ZNF609: variants seen among roughly 807,000 people sequenced by gnomAD.
The protein encoded by ZNF609 is zinc finger protein 609.
In ZNF609, 11 loss-of-function variants were observed where a neutral mutation model predicts 109.5. The observed-to-expected ratio is 0.10, with a 90% CI of 0.06 to 0.17. ZNF609 has a LOEUF of 0.17. ZNF609 is among the 10% of genes least tolerant of loss of function. The probability of loss-of-function intolerance (pLI) is 1.00; values close to 1 mark genes in which losing one functional copy is unlikely to be tolerated. For missense variants in ZNF609, 1,559 were observed against 1,772.4 expected (o/e 0.88, Z 2.16); for synonymous variants, 646 against 662.0 (o/e 0.98, Z 0.37).
At chr15:64,641,234 T>TTTTTTTTTTTGG (rs758413589) in intron 3 of ZNF609, among the ~76,000 whole-genome samples, 2 of 140,768 alleles carry the variant, frequency 1.4e-5, no homozygotes, top group Admixed American at 7.3e-5. Context: ...TTTTTTTTTT[T>TTTTTTTTTTTGG]GAGATGGAGT....
chr15:64,566,858 G>A (rs1359492179), intron 2 of ZNF609, among the ~76,000 whole-genome samples: 1 of 152,110 alleles, frequency 6.6e-6, no homozygotes, highest in Admixed American at 6.6e-5. Context: ...TTCTACTGGA[G>A]GCCACCATTC....
At chr15:64,678,078 C>G (rs1437927204) in intron 5 of ZNF609, 38 bp from the exon 6 acceptor site, 2 of 1,586,642 alleles carry the variant, frequency 1.3e-6, no homozygotes, top group Non-Finnish European at 1.7e-6. Context: ...TCTGTCTTAT[C>G]TGTACAACAC....
At chr15:64,565,457 A>G (rs1595720342) in intron 2 of ZNF609, among the ~76,000 whole-genome samples, 1 of 152,050 alleles carries the variant, frequency 6.6e-6, no homozygotes, top group Non-Finnish European at 1.5e-5. Flanking sequence ...TACTAGGATA[A>G]ACTAAGTACT....
intron 2 of ZNF609, among the ~76,000 whole-genome samples, chr15:64,588,442 A>AAAAAAAAAAAAAAAAAAACAAAAG (rs71133451): frequency 1.3e-5 from 1 of 75,272 alleles, no homozygotes; most frequent in Non-Finnish European, 2.3e-5. Context: ...AAAAAAAAAA[A>AAAAAAAAAAAAAAAAAAACAAAAG]AAGAAGAGGA....
intron 3 of ZNF609, among the ~76,000 whole-genome samples, chr15:64,668,423 C>CG (rs200291404): frequency 0.013 from 2,003 of 152,286 alleles, 33 homozygotes; most frequent in African/African-American, 0.047. Flanking sequence ...CTTTTTGTCT[C>CG]TAATATCCCA....
Position 64,651,002 on chromosome 15 carries a change from G to A in ZNF609, c.974-19344G>A, listed in dbSNP as rs1178231876. ...GTCTAGAAAAAGTCTGGATTTATAA[G>A]CAAACTAATGGAAATAGGAAGGATT... On this transcript the variant is annotated intron_variant, in intron 3 of 9. Coordinates refer to ENST00000326648, the MANE Select transcript of ZNF609 (RefSeq NM_015042.2). Among the ~76,000 whole-genome samples, 5 of 152,116 alleles carry A rather than the reference G, an allele frequency of 3.3e-5. No individual in the cohort carries two copies. The East Asian group carries it at 9.6e-4, about 29-fold the overall frequency.
intron 2 of ZNF609, among the ~76,000 whole-genome samples, chr15:64,580,772 A>T (rs1275542187): frequency 6.6e-6 from 1 of 151,342 alleles, no homozygotes; most frequent in Admixed American, 6.6e-5. Context: ...ACCTGAAGTG[A>T]TCCTCCCACC....
chr15:64,560,633 A>G (rs1215999185), intron 2 of ZNF609, among the ~76,000 whole-genome samples: 3 of 152,176 alleles, frequency 2.0e-5, no homozygotes, highest in Non-Finnish European at 4.4e-5. Flanking sequence ...GAAGAGGAAA[A>G]GAACAGAGAT....
At chr15:64,617,699 G>A (rs1040730490) in intron 2 of ZNF609, among the ~76,000 whole-genome samples, 1 of 152,144 alleles carries the variant, frequency 6.6e-6, no homozygotes, top group Non-Finnish European at 1.5e-5. Context: ...AGAATCGCCT[G>A]AATCTGGAAG....
chr15:64,505,902 G>T (rs953262523), intron 2 of ZNF609, among the ~76,000 whole-genome samples: 2 of 152,070 alleles, frequency 1.3e-5, no homozygotes, highest in Admixed American at 1.3e-4. Context: ...AGCCTGGGAG[G>T]TTGAGGCTGC....
intron 3 of ZNF609, chr15:64,654,067 T>A (rs1176754236): frequency 6.6e-6 from 1 of 152,184 alleles, no homozygotes; most frequent in African/African-American, 2.4e-5. Context: ...AGAGACAGAG[T>A]CTCACTCTGC....
At chr15:64,616,807 C>CTGCGTGCGG (rs1895805426) in intron 2 of ZNF609, among the ~76,000 whole-genome samples, 1 of 124,614 alleles carries the variant, frequency 8.0e-6, no homozygotes, top group Non-Finnish European at 1.6e-5. Context: ...GTGTGAGCCA[C>CTGCGTGCGG]CATGCTTTTT....
chr15:64,630,098 C>T (rs112430255), intron 3 of ZNF609, among the ~76,000 whole-genome samples: 15,649 of 136,070 alleles, frequency 0.12, 1,448 homozygotes, highest in African/African-American at 0.25. Flanking sequence ...TTTCTTTTTT[C>T]TTTTTTTTTT....
intron 2 of ZNF609, among the ~76,000 whole-genome samples, chr15:64,542,786 T>C (rs1238256731): frequency 6.6e-6 from 1 of 152,346 alleles, no homozygotes; most frequent in East Asian, 1.9e-4. Context: ...CTGCCTTAGT[T>C]GGACCTTAAC....
intron 2 of ZNF609, among the ~76,000 whole-genome samples, chr15:64,520,667 A>G (rs1278023282): frequency 2.6e-5 from 4 of 152,022 alleles, no homozygotes; most frequent in Admixed American, 1.3e-4. Flanking sequence ...CCAAATCTCT[A>G]AAAGGTGAGG....
intron 1 of ZNF609, among the ~76,000 whole-genome samples, chr15:64,461,312 T>A (rs1381103425): frequency 6.6e-6 from 1 of 151,758 alleles, no homozygotes; most frequent in African/African-American, 2.4e-5. Flanking sequence ...GTGGCTGGGA[T>A]CCTGCAGTAA....
At chr15:64,666,865 T>A (rs2141008772) in intron 3 of ZNF609, among the ~76,000 whole-genome samples, 1 of 150,034 alleles carries the variant, frequency 6.7e-6, no homozygotes, top group Admixed American at 6.6e-5. Flanking sequence ...CGGTGGCTCA[T>A]GCCTGTAATC....
At chr15:64,531,732 C>T (rs376740431) in intron 2 of ZNF609, among the ~76,000 whole-genome samples, 2 of 152,054 alleles carry the variant, frequency 1.3e-5, no homozygotes, top group African/African-American at 4.8e-5. Context: ...TTGGAAAACG[C>T]AATGTTGTGG....
intron 3 of ZNF609, among the ~76,000 whole-genome samples, chr15:64,664,624 C>T (rs1200932234): frequency 6.6e-6 from 1 of 152,150 alleles, no homozygotes; most frequent in African/African-American, 2.4e-5. Flanking sequence ...GCTTTTCTTT[C>T]CTGTCGTCCT....
Sources: gnomAD v4.1 joint callset for allele counts (sites outside exome capture counted in the v4.1 genomes callset) on GRCh38, gnomAD v4.1.1 for gene constraint, MANE v1.5 for transcripts, NCBI Gene and HGNC (gene_info 2026-07-23, HGNC 2026-07-21) for gene names.